IDO2: variants seen among roughly 807,000 people sequenced by gnomAD.
IDO2 encodes indoleamine 2,3-dioxygenase-like 1 protein.
In IDO2, 46 loss-of-function variants were observed where a neutral mutation model predicts 45.1. That is an observed-to-expected ratio of 1.02 (90% CI 0.80 to 1.30). The LOEUF (loss-of-function observed/expected upper bound fraction) is 1.30, where lower values mean the gene tolerates loss of function less well. Among genes scored for constraint, IDO2 ranks in the 50% most tolerant of loss-of-function variants. The pLI, the probability that IDO2 is intolerant of heterozygous loss-of-function variation, is 0.00. For missense variants in IDO2, 544 were observed against 491.8 expected, an observed-to-expected ratio of 1.11 and a Z score of -1.00; for synonymous variants, 218 against 184.9, an observed-to-expected ratio of 1.18 and a Z score of -1.45.
At chr8:40,011,126 G>A (rs768691871) in intron 9 of IDO2, among the ~76,000 whole-genome samples, 1 of 152,102 alleles carries the variant, frequency 6.6e-6, no homozygotes, top group Non-Finnish European at 1.5e-5. Context: ...GACCAGGCTG[G>A]TGTCAAACTC....
chr8:39,994,514 C>T (rs543671849), intron 8 of IDO2, among the ~76,000 whole-genome samples: 1 of 152,230 alleles, frequency 6.6e-6, no homozygotes, highest in Non-Finnish European at 1.5e-5. Context: ...ACCTCAGCCT[C>T]CCAAAGTGCT....
chr8:40,013,779 T>TTTAA (rs5891075), intron 10 of IDO2, 66 bp downstream of exon 10: 262,323 of 1,086,452 alleles, frequency 0.24, 14,474 homozygotes, highest in East Asian at 0.35. Flanking sequence ...TTTTTTTTTT[T>TTTAA]CCAATTGATA....
chr8:39,976,097 T>C (rs560379660), intron 3 of IDO2, among the ~76,000 whole-genome samples: 1 of 152,236 alleles, frequency 6.6e-6, no homozygotes, highest in African/African-American at 2.4e-5. Context: ...CCCCTGCCTC[T>C]GCCTCCCAAG....
At chr8:39,976,384 G>A (rs988815884) in intron 3 of IDO2, among the ~76,000 whole-genome samples, 53 of 152,270 alleles carry the variant, frequency 3.5e-4, no homozygotes, top group African/African-American at 1.3e-3. Flanking sequence ...CAAGGAGCAA[G>A]CAGGATATTA....
intron 2 of IDO2, among the ~76,000 whole-genome samples, chr8:39,957,687 C>T (rs1305307488): frequency 6.6e-6 from 1 of 152,176 alleles, no homozygotes; most frequent in Non-Finnish European, 1.5e-5. Flanking sequence ...CTGTGATGCT[C>T]ACCTGTCTCT....
At chr8:40,011,255 T>C (rs568218975) in intron 9 of IDO2, among the ~76,000 whole-genome samples, 145 of 152,190 alleles carry the variant, frequency 9.5e-4, no homozygotes, top group African/African-American at 3.2e-3. Context: ...AGAAGACCAT[T>C]TGGGAATTGA....
At chr8:39,987,513 G>C (rs1808443241) in intron 6 of IDO2, 1 of 175,232 alleles carries the variant, frequency 5.7e-6, no homozygotes, top group East Asian at 1.5e-4. Flanking sequence ...AAAAAAAAGA[G>C]CATGGACTTG....
At chr8:39,940,628 A>G (rs192807419) in intron 1 of IDO2, among the ~76,000 whole-genome samples, 1 of 152,186 alleles carries the variant, frequency 6.6e-6, no homozygotes, top group Non-Finnish European at 1.5e-5. Flanking sequence ...AAAATACGCA[A>G]TATATTATTA....
At chr8:39,964,754 A>C (rs1264458045) in intron 3 of IDO2, among the ~76,000 whole-genome samples, 1 of 152,240 alleles carries the variant, frequency 6.6e-6, no homozygotes, top group Non-Finnish European at 1.5e-5. Flanking sequence ...AAGAAATCCA[A>C]AAATAAGAAA....
intron 2 of IDO2, among the ~76,000 whole-genome samples, chr8:39,962,506 T>G (rs973535750): frequency 6.6e-6 from 1 of 152,248 alleles, no homozygotes; most frequent in African/African-American, 2.4e-5. Flanking sequence ...TCATCTTTCA[T>G]CATCCTTTTG....
intron 3 of IDO2, among the ~76,000 whole-genome samples, chr8:39,964,683 T>C (rs183855568): frequency 3.3e-4 from 50 of 152,342 alleles, no homozygotes; most frequent in Non-Finnish European, 6.2e-4. Flanking sequence ...TCTGTGAAGA[T>C]AGCAAACTAA....
At chr8:39,948,029 C>CTGCCTTGGCCTTCCAAAG (rs553889278) in intron 1 of IDO2, among the ~76,000 whole-genome samples, 31 of 152,318 alleles carry the variant, frequency 2.0e-4, no homozygotes, top group African/African-American at 7.2e-4. Flanking sequence ...GGTGATCCGC[C>CTGCCTTGGCCTTCCAAAG]TGCCTTGGCC....
intron 6 of IDO2, chr8:39,985,730 A>AT (rs943605328): frequency 5.1e-4 from 267 of 521,374 alleles, no homozygotes; most frequent in Non-Finnish European, 5.6e-4. Flanking sequence ...TAGATAAGGG[A>AT]TTTTTTTTTA....
chr8:39,986,943 C>T (rs566521608), intron 6 of IDO2: 9 of 151,694 alleles, frequency 5.9e-5, no homozygotes, highest in South Asian at 4.2e-4. Flanking sequence ...GGTGTCATCT[C>T]GGCTCTCTGC....
chr8:40,001,029 A>C (rs1802127154), intron 8 of IDO2, among the ~76,000 whole-genome samples: 1 of 152,112 alleles, frequency 6.6e-6, no homozygotes, highest in Non-Finnish European at 1.5e-5. Context: ...AGGTCTCGCT[A>C]CATGGCCCAG....
chr8:39,998,832 G>A (rs373208548), intron 8 of IDO2, among the ~76,000 whole-genome samples: 2 of 151,546 alleles, frequency 1.3e-5, no homozygotes, highest in African/African-American at 4.9e-5. Context: ...TAGTAGAGAC[G>A]GGGTTTTGCC....
At chr8:40,016,104 C>G in exon 11 of IDO2, 1 of 392,760 alleles carries the variant, frequency 2.5e-6, no homozygotes, top group Non-Finnish European at 4.5e-6. Context: ...TGGAAATGCT[C>G]CAGTGGAGAT....
chr8:39,958,772 C>T (rs1174737596), intron 2 of IDO2, among the ~76,000 whole-genome samples: 3 of 152,046 alleles, frequency 2.0e-5, no homozygotes, highest in East Asian at 3.9e-4. Context: ...TTTGTGCATG[C>T]TTTTATTTTT....
chr8:39,949,645 C>G (rs1807785350), intron 2 of IDO2, among the ~76,000 whole-genome samples: 1 of 152,168 alleles, frequency 6.6e-6, no homozygotes, highest in African/African-American at 2.4e-5. Flanking sequence ...AGACTCAAGC[C>G]CCTTCAACAG....
Sources: gnomAD v4.1 joint callset for allele counts (sites outside exome capture counted in the v4.1 genomes callset) on GRCh38, gnomAD v4.1.1 for gene constraint, MANE v1.5 for transcripts, NCBI Gene and HGNC (gene_info 2026-07-23, HGNC 2026-07-21) for gene names.